The following TMEM132B variants were observed in gnomAD, a reference collection of about 807,000 sequenced individuals.
TMEM132B encodes the protein transmembrane protein 132B.
A neutral mutation model predicts 90.8 loss-of-function variants in TMEM132B; 18 were observed. The observed-to-expected ratio is 0.20, with a 90% CI of 0.14 to 0.29. The LOEUF (loss-of-function observed/expected upper bound fraction) is 0.29, where lower values mean the gene tolerates loss of function less well. TMEM132B is among the 10% of genes least tolerant of loss of function. The pLI is 1.00. For synonymous variants in TMEM132B, 504 were observed against 523.3 expected (o/e 0.96, Z 0.50); for missense variants, 1,096 against 1,326.8 (o/e 0.83, Z 2.70).
At chr12:125,625,435 A>G (rs1308949289) in intron 5 of TMEM132B, among the ~76,000 whole-genome samples, 1 of 152,056 alleles carries the variant, frequency 6.6e-6, no homozygotes, top group Non-Finnish European at 1.5e-5. Context: ...GCCCGGTCAG[A>G]TTTGACTTCT....
chr12:125,482,900 G>T (rs1002078897), intron 3 of TMEM132B, among the ~76,000 whole-genome samples: 1 of 152,110 alleles, frequency 6.6e-6, no homozygotes, highest in Non-Finnish European at 1.5e-5. Flanking sequence ...ATACACCATG[G>T]AATACTATGC....
At chr12:125,646,640 A>G (rs1417220444) in intron 6 of TMEM132B, among the ~76,000 whole-genome samples, 2 of 152,226 alleles carry the variant, frequency 1.3e-5, no homozygotes, top group Non-Finnish European at 2.9e-5. Flanking sequence ...AGACCAGAAT[A>G]GCACCTGAGG....
intron 3 of TMEM132B, among the ~76,000 whole-genome samples, chr12:125,484,191 T>C (rs1476251408): frequency 2.0e-5 from 3 of 152,142 alleles, no homozygotes; most frequent in Non-Finnish European, 4.4e-5. Flanking sequence ...TGAGCCACTG[T>C]GCCTTGCTTA....
At chr12:125,623,662 C>G (rs1333384021) in intron 5 of TMEM132B, among the ~76,000 whole-genome samples, 1 of 152,156 alleles carries the variant, frequency 6.6e-6, no homozygotes, top group Non-Finnish European at 1.5e-5. Context: ...CTTATAAGCA[C>G]TGTGCAAACC....
At chr12:125,354,943 A>T (rs369968484) in intron 2 of TMEM132B, among the ~76,000 whole-genome samples, 2 of 152,216 alleles carry the variant, frequency 1.3e-5, no homozygotes, top group African/African-American at 4.8e-5. Context: ...TGTTATGGAT[A>T]TGGAAACTGC....
In TMEM132B at chr12:125,583,856, C is replaced by G; in HGVS notation, c.1299C>G (p.Thr433=). 1 of 1,613,964 alleles carries G rather than the reference C, an allele frequency of 6.2e-7. No individual in the cohort carries two copies. The highest frequency in any genetic ancestry group is 1.3e-5 in the African/African-American group (1 of 74,984). ...FVGIVPLAMD[T]EVLNTAILTG... ...CCCTCTCCTCTCCTGTTTAGGACACCGAGGTTTTGAACACTGCCATTCTCA... is the reference window on the plus strand; with the variant it reads ...CCCTCTCCTCTCCTGTTTAGGACACGGAGGTTTTGAACACTGCCATTCTCA... Residue 433 remains threonine (T), a synonymous_variant, in exon 5 of 9, where the codon ACC becomes ACG. Transcript: ENST00000682704.
chr12:125,333,625 A>C (rs1876863318), intron 1 of TMEM132B, among the ~76,000 whole-genome samples: 1 of 152,022 alleles, frequency 6.6e-6, no homozygotes, highest in Non-Finnish European at 1.5e-5. Flanking sequence ...AATGGTGGGG[A>C]CTGTGGTGAG....
intron 4 of TMEM132B, among the ~76,000 whole-genome samples, chr12:125,573,825 G>A (rs969747022): frequency 1.3e-5 from 2 of 152,152 alleles, no homozygotes; most frequent in Non-Finnish European, 2.9e-5. Context: ...CAATCAAACT[G>A]TGTGCTCAAA....
intron 2 of TMEM132B, 77 bp downstream of exon 2, chr12:125,350,420 T>G: frequency 1.4e-6 from 2 of 1,473,106 alleles, no homozygotes; most frequent in Non-Finnish European, 1.8e-6. Context: ...ATAAAATGGG[T>G]GTTGATCATT....
rs1333761679 is a variant in TMEM132B at position 125,655,864 on chromosome 12, A to T, written c.*1154A>T. ...ATAGAAATCCATCCATACAATGACC[A>T]AAATAAATAAATAAATAAAACTCAA... On this transcript the variant is annotated 3_prime_UTR_variant, in exon 9 of 9. Transcript: ENST00000682704. 1 of 152,186 alleles carries T rather than the reference A, an allele frequency of 6.6e-6. No homozygotes were observed. The highest frequency in any genetic ancestry group is 2.4e-5 in the African/African-American group (1 of 41,446). The allele number at this position is 152,186 out of a possible 1,614,324, so 9.4% of individuals were successfully genotyped here.
chr12:125,349,954 T>C lies in TMEM132B; in HGVS notation c.570T>C (p.Ala190=), dbSNP rs762857375. ...RLQGAPGLCV[A]ELELLPEWFS... ...AAGGGGCCCCAGGGCTGTGTGTGGC[T>C]GAGCTGGAGCTGCTGCCCGAGTGGT... The change falls in exon 2 of 9, where the codon GCT becomes GCC. Residue 190 remains alanine, a synonymous_variant. Transcript: ENST00000682704. This position sits in a 1 kb window ranked among gnomAD's most constrained non-coding sequence, Gnocchi z 4.1. 6.2e-7 allele frequency: 1 copy of C among 1,614,192 alleles called. No homozygotes were observed.
intron 2 of TMEM132B, among the ~76,000 whole-genome samples, chr12:125,401,779 A>G (rs1046872525): frequency 6.6e-6 from 1 of 152,344 alleles, no homozygotes; most frequent in Admixed American, 6.5e-5. Flanking sequence ...ATTGACTAAA[A>G]TTGGGAACCA....
chr12:125,507,374 GC>G (rs1273841915), intron 3 of TMEM132B, among the ~76,000 whole-genome samples: 1 of 152,196 alleles, frequency 6.6e-6, no homozygotes, highest in African/African-American at 2.4e-5. Flanking sequence ...GACAGAAATA[GC>G]CCAAAGAAAG....
At chr12:125,218,065 GAGTT>G (rs1873477395) in intron 1 of TMEM132B, among the ~76,000 whole-genome samples, 1 of 152,314 alleles carries the variant, frequency 6.6e-6, no homozygotes, top group African/African-American at 2.4e-5. Context: ...AAGATGTAGG[GAGTT>G]AGTACTGCCA....
At chr12:125,291,037 C>T (rs1443595372) in intron 1 of TMEM132B, among the ~76,000 whole-genome samples, 4 of 152,180 alleles carry the variant, frequency 2.6e-5, no homozygotes, top group East Asian at 3.8e-4. Flanking sequence ...CCAATTCATA[C>T]GTTGAAATGC....
At chr12:125,409,120 T>C (rs1278335962) in intron 2 of TMEM132B, among the ~76,000 whole-genome samples, 1 of 152,180 alleles carries the variant, frequency 6.6e-6, no homozygotes, top group Non-Finnish European at 1.5e-5. Context: ...CTCCTCAGTT[T>C]GTGTAGAAGC....
At chr12:125,427,859 C>T (rs977769341) in intron 3 of TMEM132B, among the ~76,000 whole-genome samples, 6 of 152,168 alleles carry the variant, frequency 3.9e-5, no homozygotes, top group African/African-American at 1.4e-4. Flanking sequence ...AAAATTGAAC[C>T]AGAGGGAATT....
At chr12:125,334,734 T>C (rs1254610242) in intron 1 of TMEM132B, among the ~76,000 whole-genome samples, 1 of 152,228 alleles carries the variant, frequency 6.6e-6, no homozygotes, top group Non-Finnish European at 1.5e-5. Context: ...GAATGCTATA[T>C]GCAAATAGTG....
At chr12:125,619,640 C>T (rs1049897669) in intron 5 of TMEM132B, among the ~76,000 whole-genome samples, 3 of 152,150 alleles carry the variant, frequency 2.0e-5, no homozygotes, top group Non-Finnish European at 4.4e-5. Flanking sequence ...GCTGGGATTA[C>T]AGGCGTGAGC....
Sources: allele counts gnomAD v4.1 joint callset (sites outside exome capture counted in the v4.1 genomes callset), GRCh38; gene constraint gnomAD v4.1.1; non-coding constraint Gnocchi (gnomAD v3.1); transcripts MANE v1.5; gene names NCBI Gene and HGNC (gene_info 2026-07-23, HGNC 2026-07-21).